Variants in DNAH17 observed in about 807,000 individuals in gnomAD.
DNAH17 encodes the protein axonemal beta dynein heavy chain 17.
In DNAH17, 376 loss-of-function variants were observed where a neutral mutation model predicts 485.6. The observed-to-expected ratio is 0.77, with a 90% CI of 0.71 to 0.84. The LOEUF (loss-of-function observed/expected upper bound fraction) is 0.84. Among genes scored for constraint, DNAH17 ranks in the 40% least tolerant of loss-of-function variants. DNAH17 has a pLI of 0.00. For missense variants in DNAH17, 6,370 were observed against 5,839.3 expected (o/e 1.09, Z -2.96); for synonymous variants, 3,031 against 2,405.9 (o/e 1.26, Z -7.60).
intron 50 of DNAH17, 45 bp from the exon 51 acceptor site, chr17:78,479,161 G>A (rs373950393): frequency 4.4e-6 from 7 of 1,581,870 alleles, no homozygotes; most frequent in Non-Finnish European, 6.1e-6. Context: ...ACTCTTGATG[G>A]CCCCAGGAAG....
At chr17:78,490,667 G>T (rs751412595) in intron 44 of DNAH17, 32 bp downstream of exon 44, 28 of 1,585,980 alleles carry the variant, frequency 1.8e-5, no homozygotes, top group Non-Finnish European at 2.3e-5. Context: ...CCCTGCCGAG[G>T]TTTGGAACAG....
chr17:78,475,421 G>A lies in DNAH17; in HGVS notation c.8368C>T (p.Leu2790=). Residue 2790 remains leucine, a synonymous_variant, in exon 54 of 81, where the codon CTG becomes TTG. Coordinates refer to ENST00000389840, the MANE Select transcript of DNAH17 (RefSeq NM_173628.4). ...AGGGCATTCCCCCGGGGAGACTCCA[G>A]GATGCGATTAATCCTGCAGATGTGA... The part of the protein sequence containing the change: ...VAHICRINRI[L]ESPRGNALLV... 1 of 1,613,938 alleles carries A rather than the reference G, an allele frequency of 6.2e-7. No homozygotes were observed.
intron 54 of DNAH17, among the ~76,000 whole-genome samples, chr17:78,469,152 T>G (rs557635515): frequency 1.3e-4 from 19 of 151,874 alleles, no homozygotes; most frequent in African/African-American, 3.9e-4. Context: ...GTCTTTTTCT[T>G]TTTTTTTGAG....
intron 16 of DNAH17, among the ~76,000 whole-genome samples, chr17:78,545,472 C>A (rs2091733863): frequency 2.0e-5 from 3 of 152,116 alleles, no homozygotes; most frequent in Admixed American, 6.5e-5. Flanking sequence ...TCCTGGTGGG[C>A]AGATGATGAT....
intron 43 of DNAH17, among the ~76,000 whole-genome samples, chr17:78,491,233 T>C (rs1157825699): frequency 6.6e-6 from 1 of 152,220 alleles, no homozygotes; most frequent in Admixed American, 6.5e-5. Flanking sequence ...CCTGCTAAAA[T>C]GTAAGGTGAG....
intron 76 of DNAH17, among the ~76,000 whole-genome samples, 181 bp from the exon 77 acceptor site, chr17:78,428,888 TC>T (rs2086574610): frequency 7.1e-6 from 1 of 141,562 alleles, no homozygotes; most frequent in Non-Finnish European, 1.5e-5. Flanking sequence ...AAAGGAAAAT[TC>T]CATTCCCCCT....
At chr17:78,536,642 C>G (rs2091381678) in intron 19 of DNAH17, among the ~76,000 whole-genome samples, 2 of 151,964 alleles carry the variant, frequency 1.3e-5, no homozygotes, top group Non-Finnish European at 2.9e-5. Flanking sequence ...GATTGAACCA[C>G]TGCACTCCAG....
At position 78,429,130 on chromosome 17, in the gene DNAH17, C is replaced by T. The variant is rs753166456; in HGVS notation, c.12396G>A (p.Leu4132=). ...LAPGFQIPPN[L]DYKGYHEYID... is the part of the protein sequence containing the mutation. ...AACTTGTCATCCTTACCTTGTAGTC[C>T]AGGTTGGGGGGGATCTGAAAGCCGG... The change falls in exon 76 of 81, where the codon CTG becomes CTA. Residue 4132 remains leucine, a synonymous_variant. Coordinates refer to ENST00000389840, the MANE Select transcript of DNAH17 (RefSeq NM_173628.4). 1.9e-6 allele frequency: 3 copies of T among 1,613,088 alleles called. No individual in the cohort carries two copies. The highest frequency in any genetic ancestry group is 2.2e-5 in the East Asian group (1 of 44,838).
At chr17:78,476,921 T>G (rs1178305094) in intron 51 of DNAH17, among the ~76,000 whole-genome samples, 188 bp from the exon 52 acceptor site, 1 of 151,718 alleles carries the variant, frequency 6.6e-6, no homozygotes. Context: ...CGGATGCCAG[T>G]GTGTGTGTGT....
chr17:78,538,663 G>A (rs1170742457), intron 18 of DNAH17, among the ~76,000 whole-genome samples: 1 of 152,202 alleles, frequency 6.6e-6, no homozygotes, highest in Admixed American at 6.5e-5. Flanking sequence ...TCTTTGAGGA[G>A]AACCCTTTGT....
At chr17:78,527,891 G>A (rs1598646125) in intron 22 of DNAH17, among the ~76,000 whole-genome samples, 1 of 152,248 alleles carries the variant, frequency 6.6e-6, no homozygotes, top group East Asian at 1.9e-4. Flanking sequence ...TGATTCTCAT[G>A]CCTCAACCTC....
Position 78,465,627 on chromosome 17 carries a change from G to A in DNAH17, c.8940+1028C>T, listed in dbSNP as rs1398001426. Among the ~76,000 whole-genome samples, 5 of 151,224 alleles carry A rather than the reference G, an allele frequency of 3.3e-5. No individual in the cohort carries two copies. In the East Asian group the frequency reaches 5.9e-4, roughly 18 times the overall value. On this transcript the variant is annotated intron_variant, in intron 56 of 80. Transcript: ENST00000389840. ...AGCGCCTCTGCCCGGCCGAGACCCCGTCTGGGAGGTGAGGAGCGTCTCTGC... is the reference window on the plus strand; with the variant it reads ...AGCGCCTCTGCCCGGCCGAGACCCCATCTGGGAGGTGAGGAGCGTCTCTGC...
rs376124810 is a variant in DNAH17, at chr17:78,529,684, G to A, written c.3295C>T (p.Leu1099=). The A allele has an allele frequency of 4.7e-5, 76 of 1,613,812 alleles. 2 individuals are homozygous for A. The Middle Eastern group carries it at 6.6e-4, about 14-fold the overall frequency. The change falls in exon 22 of 81, where the codon CTG becomes TTG. Residue 1099 remains leucine, a synonymous_variant. Transcript: ENST00000389840. ...CTGGCGACTTTCATGAAGGCTTCCA[G>A]GTCAGCCAGGCTAAGGGACAAGGGG... ...SNHVTNSLAD[L]EAFMKVARMG...
intron 73 of DNAH17, among the ~76,000 whole-genome samples, chr17:78,438,707 C>T (rs2086953156): frequency 6.6e-6 from 1 of 151,870 alleles, no homozygotes; most frequent in Admixed American, 6.6e-5. Flanking sequence ...CCATGTTGGT[C>T]AGGCTGGTCT....
At chr17:78,487,515 C>T (rs77561520) in intron 44 of DNAH17, among the ~76,000 whole-genome samples, 3,106 of 152,198 alleles carry the variant, frequency 0.02, 121 homozygotes, top group African/African-American at 0.07. Context: ...GACCGGCAGA[C>T]GTGCCTCTTT....
rs1216073336 is a variant in DNAH17, at chr17:78,459,127, G to A, written c.9735C>T (p.Cys3245=). 6.8e-6 allele frequency: 11 copies of A among 1,613,916 alleles called. No individual in the cohort carries two copies. The highest frequency in any genetic ancestry group is 6.6e-5 in the South Asian group (6 of 91,090). The change falls in exon 61 of 81, where the codon TGC becomes TGT. Residue 3245 remains cysteine (C), a synonymous_variant. Transcript: ENST00000389840. ...STAAAGLCSW[C]INIVRFYEVY... is the part of the protein sequence containing the mutation. ...CCTCGTAGAAGCGGACGATGTTGAT[G>A]CACCAGGAGCACAGGCCGGCGGCGG...
At chr17:78,569,340 C>A (rs749015151) in intron 8 of DNAH17, 35 bp downstream of exon 8, 7 of 1,609,928 alleles carry the variant, frequency 4.3e-6, no homozygotes, top group African/African-American at 1.3e-5. Context: ...ACTCACTCGT[C>A]CTGCCTTGGC....
rs1030104038 is a variant in DNAH17, at chr17:78,530,452, G to C, written c.3175C>G (p.His1059Asp). 4 of 1,613,572 alleles carry C rather than the reference G, an allele frequency of 2.5e-6. No individual in the cohort carries two copies. The change falls in exon 21 of 81, where the codon CAC becomes GAC. Residue 1059 changes from histidine (H) to aspartate (D), a missense_variant. Transcript: ENST00000389840. The part of the protein sequence containing the change: ...VSKCENTKVF[H>D]GWLQCDCRPF... ...CGGCAGTCGCACTGCAGCCAGCCGTGGAACACCTTGGTGTTCTCGCACTTG... is the reference window on the plus strand; with the variant it reads ...CGGCAGTCGCACTGCAGCCAGCCGTCGAACACCTTGGTGTTCTCGCACTTG...
At chr17:78,505,222 G>A (rs2090448517) in intron 31 of DNAH17, 71 bp downstream of exon 31, 3 of 1,585,664 alleles carry the variant, frequency 1.9e-6, no homozygotes, top group Admixed American at 3.5e-5. Flanking sequence ...ATCGCCATCT[G>A]AGGGCGTGTG....
Sources: allele counts gnomAD v4.1 joint callset (sites outside exome capture counted in the v4.1 genomes callset), GRCh38; gene constraint gnomAD v4.1.1; transcripts MANE v1.5; gene names NCBI Gene and HGNC (gene_info 2026-07-23, HGNC 2026-07-21).